The following MEST variants were observed in gnomAD, a reference collection of about 807,000 sequenced individuals.
MEST encodes the protein mesoderm-specific transcript homolog protein.
Under a neutral mutation model 50.9 loss-of-function variants are expected in MEST, and 18 were observed. That is an observed-to-expected ratio of 0.35 (90% CI 0.24 to 0.52). The LOEUF is 0.52. Among genes scored for constraint, MEST ranks in the 20% least tolerant of loss-of-function variants. The probability of loss-of-function intolerance (pLI) is 0.94; values close to 1 mark genes in which losing one functional copy is unlikely to be tolerated. For synonymous variants in MEST, 130 were observed against 154.1 expected, an observed-to-expected ratio of 0.84 and a Z score of 1.16; for missense variants, 282 against 425.3, an observed-to-expected ratio of 0.66 and a Z score of 2.96.
In MEST at chr7:130,497,996, G is replaced by A; in HGVS notation, c.322G>A (p.Gly108Ser). ...RVIALDFLGF[G>S]FSDKPRPHHY... ...GATTGCCCTTGATTTCTTAGGCTTT[G>A]GCTTCAGTGACAAACCGGTAAGCAG... The change falls in exon 4 of 12, where the codon GGC becomes AGC. Residue 108 changes from glycine to serine, a missense_variant. Coordinates refer to ENST00000223215, the MANE Select transcript of MEST (RefSeq NM_002402.4). The surrounding 1 kb of genome is among the most constrained non-coding windows in gnomAD (Gnocchi z 4.0). 6.2e-7 allele frequency: 1 copy of A among 1,614,190 alleles called. No individual in the cohort carries two copies. Among genetic ancestry groups the A allele is most frequent in the Non-Finnish European group, 8.5e-7 (1 of 1,180,044 alleles).
At chr7:130,486,306 G>A (rs2116190935) in exon 1 of MEST, 1 of 152,406 alleles carries the variant, frequency 6.6e-6, no homozygotes, top group African/African-American at 2.4e-5. Flanking sequence ...GGAACAGGGT[G>A]AAGGCCGAGA....
chr7:130,503,847 T>C (rs1238364329), intron 10 of MEST, 86 bp from the exon 11 acceptor site: 1 of 1,015,304 alleles, frequency 9.8e-7, no homozygotes, highest in Non-Finnish European at 1.5e-6. Flanking sequence ...AAGAAAACAT[T>C]TCTTTTCGGA....
chr7:130,497,542 G>A lies in MEST; in HGVS notation c.261+307G>A. The A allele has an allele frequency of 3.8e-6, 1 of 260,574 alleles. No homozygotes were observed. The highest frequency in any genetic ancestry group is 7.3e-6 in the Non-Finnish European group (1 of 137,814). 16.1% of individuals were successfully genotyped at this position (260,574 alleles called of 1,614,324 possible). The stretch of plus-strand genomic sequence containing the variant: ...ACTGCACTTCAGCCTAGGTGACAGA[G>A]CGAGAGTCTGTCTCAAAAAAAAATT... On this transcript the variant is annotated intron_variant, in intron 3 of 11. Coordinates refer to ENST00000223215, the MANE Select transcript of MEST (RefSeq NM_002402.4). The surrounding 1 kb of genome is among the most constrained non-coding windows in gnomAD (Gnocchi z 4.0).
Position 130,492,394 on chromosome 7 carries a change from C to T in MEST, c.26+55C>T. 1 of 1,244,212 alleles carries T rather than the reference C, an allele frequency of 8.0e-7. No homozygotes were observed. Among genetic ancestry groups the T allele is most frequent in the Non-Finnish European group, 1.0e-6 (1 of 984,874 alleles). The allele number at this position is 1,244,212 out of a possible 1,614,324, so 77.1% of individuals were successfully genotyped here. A position where few individuals can be genotyped will look rare whatever the true frequency, so the allele number is the denominator to read the frequency against. On this transcript the variant is annotated intron_variant, in intron 1 of 11. Transcript: ENST00000223215. The surrounding 1 kb of genome is among the most constrained non-coding windows in gnomAD (Gnocchi z 7.6). ...GGCTGGCGGCCCTGGGACTAGGGCG[C>T]AGGCGAGCGGAGGACTGTGTGCCCG...
At chr7:130,490,334 T>C (rs1369051796), upstream of MEST, among the ~76,000 whole-genome samples, 6 of 152,202 alleles carry the variant, frequency 3.9e-5, no homozygotes, top group Non-Finnish European at 8.8e-5. Flanking sequence ...GACTAACCGT[T>C]TTCCCCAAAC....
Position 130,500,962 on chromosome 7 carries a change from C to G in MEST, c.749+72C>G. Reference sequence around the variant, plus strand: ...GAGAGTGGGGATTGCTTGTTCTGTTCCTTGCTGGCTTATTCCCTATCACAG... The same window carrying G: ...GAGAGTGGGGATTGCTTGTTCTGTTGCTTGCTGGCTTATTCCCTATCACAG... On this transcript the variant is annotated intron_variant, in intron 9 of 11. Coordinates refer to ENST00000223215, the MANE Select transcript of MEST (RefSeq NM_002402.4). The surrounding 1 kb of genome is among the most constrained non-coding windows in gnomAD (Gnocchi z 5.0). The G allele has an allele frequency of 7.5e-7, 1 of 1,330,698 alleles. No homozygotes were observed. The highest frequency in any genetic ancestry group is 1.1e-6 in the Non-Finnish European group (1 of 946,106). The allele number at this position is 1,330,698 out of a possible 1,614,324, so 82.4% of individuals were successfully genotyped here. A position where few individuals can be genotyped will look rare whatever the true frequency, so the allele number is the denominator to read the frequency against.
chr7:130,500,936 GGA>G lies in MEST; in HGVS notation c.749+50_749+51del, dbSNP rs1799254016. The G allele has an allele frequency of 2.1e-5, 32 of 1,505,992 alleles. No individual in the cohort carries two copies. The highest frequency in any genetic ancestry group is 3.5e-5 in the South Asian group (3 of 84,734). 93.3% of individuals were successfully genotyped at this position (1,505,992 alleles called of 1,614,324 possible). On this transcript the variant is annotated intron_variant, in intron 9 of 11. Transcript: ENST00000223215. This position sits in a 1 kb window ranked among gnomAD's most constrained non-coding sequence, Gnocchi z 5.0. ...TTGGTTTCCAGAGACGTGTTTTTGT[GGA>G]GAGTGGGGATTGCTTGTTCTGTTCC...
rs781962968 is a variant in MEST at position 130,497,216 on chromosome 7, C to G, written c.242C>G (p.Ser81Cys). The change falls in exon 3 of 12, where the codon TCC (serine) becomes TGC (cysteine). Residue 81 changes from serine (S) to cysteine (C), a missense_variant. Ser to Cys is a moderately radical substitution (Grantham distance 112). Transcript: ENST00000223215. This position sits in a 1 kb window ranked among gnomAD's most constrained non-coding sequence, Gnocchi z 4.0. ...GTGCTTTTACACGGTTTTCCAACAT[C>G]CAGCTACGACTGGTACAAGGTAATG... ...IVVLLHGFPT[S>C]SYDWYKIWEG... 9 of 1,612,934 alleles carry G rather than the reference C, an allele frequency of 5.6e-6. No homozygotes were observed. The highest frequency in any genetic ancestry group is 7.6e-6 in the Non-Finnish European group (9 of 1,179,520).
chr7:130,497,327 T>A lies in MEST; in HGVS notation c.261+92T>A. 2 of 1,007,420 alleles carry A rather than the reference T, an allele frequency of 2.0e-6. No homozygotes were observed. Among genetic ancestry groups the A allele is most frequent in the Non-Finnish European group, 1.5e-6 (1 of 675,758 alleles). The allele number at this position is 1,007,420 out of a possible 1,614,324, so 62.4% of individuals were successfully genotyped here. ...ATCCTAGCACTTTGGGAGGCTGAGG[T>A]GGGAGGATGACCTGAGGTCAGGAGT... On this transcript the variant is annotated intron_variant, in intron 3 of 11. Coordinates refer to ENST00000223215, the MANE Select transcript of MEST (RefSeq NM_002402.4). This position sits in a 1 kb window ranked among gnomAD's most constrained non-coding sequence, Gnocchi z 4.0.
upstream of MEST, among the ~76,000 whole-genome samples, chr7:130,490,345 A>T (rs1394913667): frequency 6.6e-6 from 1 of 152,230 alleles, no homozygotes; most frequent in Non-Finnish European, 1.5e-5. Flanking sequence ...TTCCCCAAAC[A>T]CGCGGCCCTG....
In MEST at chr7:130,492,399, G is replaced by C. The variant is rs1021990063; in HGVS notation, c.26+60G>C. 1 of 1,231,150 alleles carries C rather than the reference G, an allele frequency of 8.1e-7. No individual in the cohort carries two copies. The highest frequency in any genetic ancestry group is 1.0e-6 in the Non-Finnish European group (1 of 974,684). The allele number at this position is 1,231,150 out of a possible 1,614,324, so 76.3% of individuals were successfully genotyped here. The stretch of plus-strand genomic sequence containing the variant: ...GCGGCCCTGGGACTAGGGCGCAGGC[G>C]AGCGGAGGACTGTGTGCCCGTGTCC... On this transcript the variant is annotated intron_variant, in intron 1 of 11. Transcript: ENST00000223215. This position sits in a 1 kb window ranked among gnomAD's most constrained non-coding sequence, Gnocchi z 7.6.
chr7:130,499,832 A>T, intron 6 of MEST, 43 bp from the exon 7 acceptor site: 1 of 1,550,678 alleles, frequency 6.4e-7, no homozygotes. Context: ...AAAAAAAAAA[A>T]TTAAAGCTGT....
rs782332163 is a variant in MEST, at chr7:130,492,263, G to A, written c.-51G>A. On this transcript the variant is annotated 5_prime_UTR_variant, in exon 1 of 12. Coordinates refer to ENST00000223215, the MANE Select transcript of MEST (RefSeq NM_002402.4). The surrounding 1 kb of genome is among the most constrained non-coding windows in gnomAD (Gnocchi z 7.6). ...AGCTCTGCACGGCTGCGGGCTCTGC[G>A]GCGCCCGGTGCTCTGCAACGCTGCG... is the stretch of plus-strand genomic sequence containing the variant. The A allele has an allele frequency of 3.0e-6, 4 of 1,328,108 alleles. No homozygotes were observed. Among genetic ancestry groups the A allele is most frequent in the Admixed American group, 8.0e-5 (2 of 24,878 alleles). The allele number at this position is 1,328,108 out of a possible 1,614,324, so 82.3% of individuals were successfully genotyped here.
Position 130,505,308 on chromosome 7 carries a change from T to C in MEST, c.*252T>C. 2 of 316,674 alleles carry C rather than the reference T, an allele frequency of 6.3e-6. No homozygotes were observed. Among genetic ancestry groups the C allele is most frequent in the East Asian group, 5.1e-5 (1 of 19,606 alleles). 19.6% of individuals were successfully genotyped at this position (316,674 alleles called of 1,614,324 possible). ...ATAGACTTGGCTTTGTTTTTTGTGC[T>C]ATTAGGAAATTCTGATGAGCATTAC... On this transcript the variant is annotated 3_prime_UTR_variant, in exon 12 of 12. Coordinates refer to ENST00000223215, the MANE Select transcript of MEST (RefSeq NM_002402.4).
At position 130,506,254 on chromosome 7, in the gene MEST, G is replaced by C. The variant is rs1486805581; in HGVS notation, c.*1198G>C. 1 of 152,116 alleles carries C rather than the reference G, an allele frequency of 6.6e-6. No homozygotes were observed. Among genetic ancestry groups the C allele is most frequent in the Non-Finnish European group, 1.5e-5 (1 of 68,036 alleles). The allele number at this position is 152,116 out of a possible 1,614,324, so 9.4% of individuals were successfully genotyped here. A position where few individuals can be genotyped will look rare whatever the true frequency, so the allele number is the denominator to read the frequency against. ...TATAACAACTTTGAAACTGGAATAA[G>C]TGTTTATTTTCTATTAATAAAAATG... On this transcript the variant is annotated 3_prime_UTR_variant, in exon 12 of 12. Transcript: ENST00000223215.
In MEST at chr7:130,499,894, C is replaced by T. The variant is rs1799212649; in HGVS notation, c.555C>T (p.His185=). ...LSNGGIFPET[H]RPLLLQKLLK... ...CTACAGGTATCTTTCCTGAGACTCA[C>T]CGTCCACTCCTTCTCCAAAAGGTTG... The change falls in exon 7 of 12, where the codon CAC becomes CAT. Residue 185 remains histidine (H), a synonymous_variant. Transcript: ENST00000223215. 2.5e-6 allele frequency: 4 copies of T among 1,612,400 alleles called. No homozygotes were observed. Among genetic ancestry groups the T allele is most frequent in the Admixed American group, 1.7e-5 (1 of 59,692 alleles).
upstream of MEST, among the ~76,000 whole-genome samples, chr7:130,490,469 C>T (rs570680437): frequency 1.6e-4 from 25 of 152,278 alleles, no homozygotes; most frequent in African/African-American, 5.8e-4. Context: ...TAATTACTTC[C>T]TCCCCTGTGC....
At position 130,500,626 on chromosome 7, in the gene MEST, T is replaced by C; in HGVS notation, c.647+94T>C. The C allele has an allele frequency of 7.3e-7, 1 of 1,375,850 alleles. No individual in the cohort carries two copies. The allele number at this position is 1,375,850 out of a possible 1,614,324, so 85.2% of individuals were successfully genotyped here. ...GGCCAAATCCTAAGGCTTGATATTT[T>C]AAAGCAAAGGTGTTGGCCGCTTGCC... On this transcript the variant is annotated intron_variant, in intron 8 of 11. Coordinates refer to ENST00000223215, the MANE Select transcript of MEST (RefSeq NM_002402.4). This position sits in a 1 kb window ranked among gnomAD's most constrained non-coding sequence, Gnocchi z 5.0.
chr7:130,500,349 C>A lies in MEST; in HGVS notation c.577-113C>A, dbSNP rs536070707. The stretch of plus-strand genomic sequence containing the variant: ...CAAAACAAAATGCCAAGTACCAAAC[C>A]ATTCAGTAGCAGGAGATTTGGCTAA... On this transcript the variant is annotated intron_variant, in intron 7 of 11. Transcript: ENST00000223215. The surrounding 1 kb of genome is among the most constrained non-coding windows in gnomAD (Gnocchi z 5.0). 1.1e-6 allele frequency: 1 copy of A among 878,180 alleles called. No homozygotes were observed. Among genetic ancestry groups the A allele is most frequent in the Non-Finnish European group, 1.8e-6 (1 of 570,098 alleles). The allele number at this position is 878,180 out of a possible 1,614,324, so 54.4% of individuals were successfully genotyped here. A position where few individuals can be genotyped will look rare whatever the true frequency, so the allele number is the denominator to read the frequency against.
Sources: gnomAD v4.1 joint callset for allele counts (sites outside exome capture counted in the v4.1 genomes callset) on GRCh38, gnomAD v4.1.1 for gene constraint, Gnocchi (gnomAD v3.1) non-coding constraint, MANE v1.5 for transcripts, NCBI Gene and HGNC (gene_info 2026-07-23, HGNC 2026-07-21) for gene names.